The following LRFN1 variants were observed in gnomAD, a reference collection of about 807,000 sequenced individuals.
LRFN1 encodes leucine rich repeat and fibronectin type III domain containing 1.
In LRFN1, 20 loss-of-function variants were observed where a neutral mutation model predicts 31.8. That is an observed-to-expected ratio of 0.63 (90% CI 0.44 to 0.91). The LOEUF (loss-of-function observed/expected upper bound fraction) is 0.91, where lower values mean the gene tolerates loss of function less well. LRFN1 is among the 40% of genes least tolerant of loss of function. LRFN1 has a pLI of 0.00. For synonymous variants in LRFN1, 514 were observed against 541.3 expected (o/e 0.95, Z 0.70); for missense variants, 912 against 1,129.8 (o/e 0.81, Z 2.76).
chr19:39,307,010 G>A lies in LRFN1; in HGVS notation c.*623C>T. 6.8e-6 allele frequency: 2 copies of A among 292,722 alleles called. No individual in the cohort carries two copies. The highest frequency in any genetic ancestry group is 1.3e-5 in the Non-Finnish European group (2 of 159,340). The allele number at this position is 292,722 out of a possible 1,614,324, so 18.1% of individuals were successfully genotyped here. ...CAGGGAGACTAGACAAAACCAGGGA[G>A]GGCCGAGGGACAAGAGACGACAGGA... On this transcript the variant is annotated 3_prime_UTR_variant, in exon 5 of 5. Transcript: ENST00000248668. This position sits in a 1 kb window ranked among gnomAD's most constrained non-coding sequence, Gnocchi z 6.7.
In LRFN1 at chr19:39,314,858, A is replaced by C; in HGVS notation, c.479T>G (p.Phe160Cys). 1 of 1,610,730 alleles carries C rather than the reference A, an allele frequency of 6.2e-7. No individual in the cohort carries two copies. The highest frequency in any genetic ancestry group is 8.5e-7 in the Non-Finnish European group (1 of 1,178,566). ...RRVESAAFDA[F>C]LSTVEDLDLS... ...ATCCAGGTCCTCCACGGTGGACAGG[A>C]AGGCGTCAAAGGCCGCCGACTCCAC... The change falls in exon 4 of 5, where the codon TTC becomes TGC. Residue 160 changes from phenylalanine to cysteine, a missense_variant. Around this residue, in one of 2 missense-constraint regions of LRFN1, gnomAD observed 401 missense variants for 572.7 expected, o/e 0.70. Coordinates refer to ENST00000248668, the MANE Select transcript of LRFN1 (RefSeq NM_020862.2).
At chr19:39,309,806 A>G (rs988163079) in intron 4 of LRFN1, among the ~76,000 whole-genome samples, 1 of 152,156 alleles carries the variant, frequency 6.6e-6, no homozygotes, top group African/African-American at 2.4e-5. Flanking sequence ...AGCACACACC[A>G]TATTCCTTTC....
In LRFN1 at chr19:39,312,309, G is replaced by A. The variant is rs921797313; in HGVS notation, c.1406+1622C>T. 7.2e-5 allele frequency among the ~76,000 whole-genome samples: 11 copies of A among 152,126 alleles called. No homozygotes were observed. The South Asian group carries it at 1.9e-3, about 26-fold the overall frequency. ...TGAAGATCTGACAGCCAGGAGCTGG[G>A]GCTCTCCACAGGTAGGGAAACAGCT... On this transcript the variant is annotated intron_variant, in intron 4 of 4. Transcript: ENST00000248668.
rs766936007 is a variant in LRFN1, at chr19:39,308,427, G to A, written c.1522C>T (p.Arg508Ter). The change falls in exon 5 of 5, where the codon CGA becomes TGA. Residue 508 changes from arginine (R) to a stop codon, truncating the protein, a stop_gained. Coordinates refer to ENST00000248668, the MANE Select transcript of LRFN1 (RefSeq NM_020862.2). LOFTEE classifies it high-confidence loss of function. The surrounding 1 kb of genome is among the most constrained non-coding windows in gnomAD (Gnocchi z 6.2). The part of the protein sequence containing the change: ...DDGATALPAT[R>*]VVGCVQFTTA... ...GTGAACTGTACACAGCCCACCACTCGCGTTGCCGGCAGCGCTGTGGCCCCG... is the reference window on the plus strand; with the variant it reads ...GTGAACTGTACACAGCCCACCACTCACGTTGCCGGCAGCGCTGTGGCCCCG... 6.2e-7 allele frequency: 1 copy of A among 1,611,102 alleles called. No homozygotes were observed. The highest frequency in any genetic ancestry group is 8.5e-7 in the Non-Finnish European group (1 of 1,179,484).
At chr19:39,309,478 C>CAAA (rs71169583) in intron 4 of LRFN1, among the ~76,000 whole-genome samples, 29 of 31,996 alleles carry the variant, frequency 9.1e-4, no homozygotes, top group South Asian at 1.4e-3. Flanking sequence ...ACAAACAAAC[C>CAAA]AAAAAAAAAA....
At chr19:39,319,424 A>G (rs1243019783) in intron 1 of LRFN1, among the ~76,000 whole-genome samples, 1 of 135,476 alleles carries the variant, frequency 7.4e-6, no homozygotes, top group Non-Finnish European at 1.5e-5. Context: ...ACGCTAACAG[A>G]TACATACCTC....
At chr19:39,311,239 C>T (rs1401077111) in intron 4 of LRFN1, among the ~76,000 whole-genome samples, 1 of 152,226 alleles carries the variant, frequency 6.6e-6, no homozygotes, top group Non-Finnish European at 1.5e-5. Flanking sequence ...AGGAAGTTAA[C>T]CCCTGCGGCA....
Position 39,315,341 on chromosome 19 carries a change from C to G in LRFN1, c.-5G>C. The G allele has an allele frequency of 6.9e-7, 1 of 1,448,990 alleles. No individual in the cohort carries two copies. The highest frequency in any genetic ancestry group is 9.1e-7 in the Non-Finnish European group (1 of 1,103,948). The allele number at this position is 1,448,990 out of a possible 1,614,324, so 89.8% of individuals were successfully genotyped here. ...GGAGAAGGGTCCTGGAGCCATGGTG[C>G]AGTGGGAAGGCAGGAGGGGTGGGAG... On this transcript the variant is annotated 5_prime_UTR_variant, in exon 4 of 5. Transcript: ENST00000248668. This position sits in a 1 kb window ranked among gnomAD's most constrained non-coding sequence, Gnocchi z 4.7.
intron 4 of LRFN1, among the ~76,000 whole-genome samples, chr19:39,310,045 C>A (rs30478): frequency 6.6e-6 from 1 of 152,110 alleles, no homozygotes; most frequent in African/African-American, 2.4e-5. Flanking sequence ...GCAATCTCTG[C>A]CTTCCGGGTT....
intron 4 of LRFN1, among the ~76,000 whole-genome samples, chr19:39,310,765 G>A (rs59923254): frequency 6.6e-6 from 1 of 152,034 alleles, no homozygotes; most frequent in Non-Finnish European, 1.5e-5. Flanking sequence ...TTATCTCTCC[G>A]ATGCTTCCGC....
Position 39,317,905 on chromosome 19 carries a change from G to C in LRFN1, c.-93+421C>G, listed in dbSNP as rs145271566. Reference sequence around the variant, plus strand: ...CCACCAGGAGGTCAGGCTATCGGGAGATCTTCCCACACCCATGCACACGCA... The same window carrying C: ...CCACCAGGAGGTCAGGCTATCGGGACATCTTCCCACACCCATGCACACGCA... On this transcript the variant is annotated intron_variant, in intron 2 of 4. Transcript: ENST00000248668. Among the ~76,000 whole-genome samples, 1,327 of 152,130 alleles carry C rather than the reference G, an allele frequency of 8.7e-3. 19 individuals are homozygous for C. Among genetic ancestry groups the C allele is most frequent in the African/African-American group, 0.029 (1,183 of 41,468 alleles).
chr19:39,312,155 C>A (rs2075152827), intron 4 of LRFN1, among the ~76,000 whole-genome samples: 1 of 152,122 alleles, frequency 6.6e-6, no homozygotes, highest in Non-Finnish European at 1.5e-5. Context: ...TAGGCATGAG[C>A]CATCGCGCCC....
chr19:39,307,794 A>C lies in LRFN1; in HGVS notation c.2155T>G (p.Tyr719Asp), dbSNP rs1272065073. The part of the protein sequence containing the change: ...DYGALFQSHS[Y>D]PRRARRTKRH... ...TTTGTCCGCCGGGCGCGGCGCGGGT[A>C]ACTGTGGCTCTGGAATAGTGCCCCG... Residue 719 changes from tyrosine to aspartate, a missense_variant, in exon 5 of 5, where the codon TAC becomes GAC. Tyr to Asp is a radical substitution (Grantham distance 160). This residue lies in a region of LRFN1 where 511 missense variants were observed against 557.0 expected (regional missense o/e 0.92). Coordinates refer to ENST00000248668, the MANE Select transcript of LRFN1 (RefSeq NM_020862.2). The surrounding 1 kb of genome is among the most constrained non-coding windows in gnomAD (Gnocchi z 6.7). 1 of 1,486,830 alleles carries C rather than the reference A, an allele frequency of 6.7e-7. No individual in the cohort carries two copies. The highest frequency in any genetic ancestry group is 8.9e-7 in the Non-Finnish European group (1 of 1,125,742). The allele number at this position is 1,486,830 out of a possible 1,614,324, so 92.1% of individuals were successfully genotyped here. A position where few individuals can be genotyped will look rare whatever the true frequency, so the allele number is the denominator to read the frequency against.
At position 39,306,771 on chromosome 19, in the gene LRFN1, A is replaced by T. The variant is rs984444490; in HGVS notation, c.*862T>A. Reference sequence around the variant, plus strand: ...CACACACACACACACACACACACACACTACACGCGGACACACATACAGACA... The same window carrying T: ...CACACACACACACACACACACACACTCTACACGCGGACACACATACAGACA... On this transcript the variant is annotated 3_prime_UTR_variant, in exon 5 of 5. Transcript: ENST00000248668. 1 of 148,806 alleles carries T rather than the reference A, an allele frequency of 6.7e-6. No homozygotes were observed. Among genetic ancestry groups the T allele is most frequent in the Non-Finnish European group, 1.5e-5 (1 of 68,760 alleles). The allele number at this position is 148,806 out of a possible 1,614,324, so 9.2% of individuals were successfully genotyped here. A position where few individuals can be genotyped will look rare whatever the true frequency, so the allele number is the denominator to read the frequency against.
intron 4 of LRFN1, among the ~76,000 whole-genome samples, chr19:39,313,369 A>G (rs888775934): frequency 2.6e-5 from 4 of 152,134 alleles, no homozygotes; most frequent in African/African-American, 7.2e-5. Flanking sequence ...TGTCTCTACT[A>G]AAAATACAAA....
At chr19:39,317,825 AT>A (rs2075176443) in intron 2 of LRFN1, among the ~76,000 whole-genome samples, 1 of 152,120 alleles carries the variant, frequency 6.6e-6, no homozygotes, top group African/African-American at 2.4e-5. Context: ...TGCTATTATC[AT>A]TATTATTATT....
intron 4 of LRFN1, among the ~76,000 whole-genome samples, chr19:39,313,362 C>G (rs1222171725): frequency 6.6e-6 from 1 of 152,128 alleles, no homozygotes; most frequent in Non-Finnish European, 1.5e-5. Flanking sequence ...AAAATCCTGT[C>G]TCTACTAAAA....
chr19:39,314,761 C>G lies in LRFN1; in HGVS notation c.576G>C (p.Thr192=). 1 of 1,613,018 alleles carries G rather than the reference C, an allele frequency of 6.2e-7. No individual in the cohort carries two copies. Among genetic ancestry groups the G allele is most frequent in the East Asian group, 2.2e-5 (1 of 44,802 alleles). Reference sequence around the variant, plus strand: ...TGTGGTCGATGAGGTTGTGGTCCAGCGTGAGGGTGTTTAGGTTCACCATCT... The same window carrying G: ...TGTGGTCGATGAGGTTGTGGTCCAGGGTGAGGGTGTTTAGGTTCACCATCT... ...VGQMVNLNTL[T]LDHNLIDHIA... Residue 192 remains threonine, a synonymous_variant, in exon 4 of 5, where the codon ACG becomes ACC. Transcript: ENST00000248668.
chr19:39,307,956 C>T lies in LRFN1; in HGVS notation c.1993G>A (p.Ala665Thr), dbSNP rs754514394. 1.3e-6 allele frequency: 2 copies of T among 1,569,978 alleles called. No homozygotes were observed. The highest frequency in any genetic ancestry group is 3.6e-5 in the Admixed American group (2 of 56,144). Residue 665 changes from alanine to threonine, a missense_variant, in exon 5 of 5, where the codon GCC becomes ACC. Transcript: ENST00000248668. The surrounding 1 kb of genome is among the most constrained non-coding windows in gnomAD (Gnocchi z 6.7). ...CGGCTCCTTCGAGGGCCCACCGCGG[C>T]CCGAGACTCCTCCCCGGAAGTTTCC... Reference protein sequence around the residue: ...SEETSGEESRAAVGPRRSRSG... With the variant: ...SEETSGEESRTAVGPRRSRSG...
Sources: allele counts gnomAD v4.1 joint callset (sites outside exome capture counted in the v4.1 genomes callset), GRCh38; gene constraint gnomAD v4.1.1; regional missense constraint gnomAD v4.1.1; non-coding constraint Gnocchi (gnomAD v3.1); transcripts MANE v1.5; gene names NCBI Gene and HGNC (gene_info 2026-07-23, HGNC 2026-07-21).